Variants in PARN observed in about 807,000 individuals in gnomAD.
The protein encoded by PARN is poly(A)-specific ribonuclease PARN.
PARN carries 71 observed loss-of-function variants against 102.8 expected under a neutral mutation model. The ratio of observed to expected loss-of-function variants is 0.69; its 90% CI spans 0.57 to 0.84. PARN has a LOEUF of 0.84. Ranked by LOEUF, PARN falls within the 40% of genes least tolerant of loss-of-function variation. PARN has a pLI of 0.00. For synonymous variants in PARN, 261 were observed against 252.9 expected, an observed-to-expected ratio of 1.03 and a Z score of -0.30; for missense variants, 782 against 760.9, an observed-to-expected ratio of 1.03 and a Z score of -0.33.
chr16:14,583,710 T>G (rs1455840122), intron 16 of PARN, among the ~76,000 whole-genome samples: 1 of 152,190 alleles, frequency 6.6e-6, no homozygotes, highest in East Asian at 1.9e-4. Flanking sequence ...CTTTAGAAGT[T>G]TTCAGGCTAC....
At chr16:14,518,152 A>C (rs1490427794) in intron 21 of PARN, among the ~76,000 whole-genome samples, 5 of 151,922 alleles carry the variant, frequency 3.3e-5, no homozygotes, top group African/African-American at 1.2e-4. Flanking sequence ...AATAAAAATA[A>C]TACAAATTAA....
chr16:14,599,552 T>C (rs1187613321), intron 12 of PARN, among the ~76,000 whole-genome samples: 1 of 152,230 alleles, frequency 6.6e-6, no homozygotes, highest in African/African-American at 2.4e-5. Context: ...ACAAAACACC[T>C]TCAGTCAAAT....
intron 21 of PARN, among the ~76,000 whole-genome samples, chr16:14,483,693 T>C (rs979107348): frequency 6.6e-6 from 1 of 151,106 alleles, no homozygotes; most frequent in African/African-American, 2.4e-5. Flanking sequence ...CCTCCTTCAC[T>C]GGACGAAGGC....
At chr16:14,507,886 G>T (rs1964978456) in intron 21 of PARN, among the ~76,000 whole-genome samples, 1 of 152,154 alleles carries the variant, frequency 6.6e-6, no homozygotes, top group African/African-American at 2.4e-5. Flanking sequence ...AATGCAGTCA[G>T]TTAAAATTTA....
intron 12 of PARN, among the ~76,000 whole-genome samples, chr16:14,594,352 T>C (rs1970380953): frequency 6.6e-6 from 1 of 152,196 alleles, no homozygotes; most frequent in Admixed American, 6.5e-5. Flanking sequence ...TCCATTTTGA[T>C]AAAAATTAAA....
rs748035733 is a variant in PARN, at chr16:14,610,663, T to A, written c.535A>T (p.Lys179Ter). ...ACTTACACCACTTGGTCAATAAACT[T>A]CTTTTGATCCTCAGGAATCGTGACA... ...CPVTIPEDQK[K>*]FIDQVVEKIE... Residue 179 changes from lysine to a stop codon, truncating the protein, a stop_gained, in exon 7 of 24, where the codon AAG becomes TAG. Coordinates refer to ENST00000437198, the MANE Select transcript of PARN (RefSeq NM_002582.4). LOFTEE classifies it high-confidence loss of function. 1.9e-6 allele frequency: 3 copies of A among 1,609,982 alleles called. No individual in the cohort carries two copies. The highest frequency in any genetic ancestry group is 2.6e-6 in the Non-Finnish European group (3 of 1,176,354).
At chr16:14,625,210 A>C (rs914443972) in intron 5 of PARN, among the ~76,000 whole-genome samples, 4 of 151,610 alleles carry the variant, frequency 2.6e-5, no homozygotes, top group African/African-American at 9.7e-5. Flanking sequence ...AAAAAAAAAC[A>C]AAACAAAACA....
At chr16:14,439,391 A>T (rs1168863934) in intron 23 of PARN, among the ~76,000 whole-genome samples, 1 of 139,364 alleles carries the variant, frequency 7.2e-6, no homozygotes, top group Non-Finnish European at 1.6e-5. Context: ...AAAAAAAAAA[A>T]ATAGAGGGAG....
At chr16:14,591,392 A>T (rs1037913265) in intron 13 of PARN, among the ~76,000 whole-genome samples, 2 of 29,952 alleles carry the variant, frequency 6.7e-5, no homozygotes, top group South Asian at 5.9e-4. Context: ...TCCATCTCTA[A>T]AAAAAAAAAA....
intron 23 of PARN, 103 bp downstream of exon 23, chr16:14,446,785 G>T: frequency 2.7e-6 from 2 of 743,958 alleles, no homozygotes; most frequent in Non-Finnish European, 2.2e-6. Context: ...CATGGGCTTT[G>T]CCACCAAGTG....
intron 21 of PARN, among the ~76,000 whole-genome samples, chr16:14,486,683 G>C (rs1963719172): frequency 6.6e-6 from 1 of 152,214 alleles, no homozygotes; most frequent in Non-Finnish European, 1.5e-5. Context: ...CATTCCTTGA[G>C]TCCCAGCAGC....
intron 21 of PARN, among the ~76,000 whole-genome samples, chr16:14,502,926 G>A (rs1257598176): frequency 1.3e-5 from 2 of 152,094 alleles, no homozygotes. Context: ...GATCAGGGAG[G>A]AAAAATTAAA....
chr16:14,479,815 T>C (rs1963278307), intron 22 of PARN, among the ~76,000 whole-genome samples: 1 of 151,442 alleles, frequency 6.6e-6, no homozygotes, highest in Non-Finnish European at 1.5e-5. Flanking sequence ...CAGATAGTCA[T>C]ATGGAAAAAA....
intron 21 of PARN, among the ~76,000 whole-genome samples, chr16:14,529,118 G>T (rs563827921): frequency 6.6e-6 from 1 of 152,108 alleles, no homozygotes; most frequent in South Asian, 2.1e-4. Flanking sequence ...GGCCCTGAGC[G>T]AGTGCCTAAC....
intron 22 of PARN, among the ~76,000 whole-genome samples, chr16:14,481,819 C>T (rs976281921): frequency 2.0e-5 from 3 of 152,124 alleles, no homozygotes; most frequent in African/African-American, 7.2e-5. Flanking sequence ...ATTTTCTATA[C>T]CTGTGTTTTG....
chr16:14,485,057 A>T (rs1473180038), intron 21 of PARN, among the ~76,000 whole-genome samples: 1 of 152,196 alleles, frequency 6.6e-6, no homozygotes, highest in African/African-American at 2.4e-5. Context: ...CCCGTCTCTA[A>T]AAAGAAAGTG....
In PARN at chr16:14,628,210, A is replaced by T. The variant is rs1486635297; in HGVS notation, c.139T>A (p.Phe47Ile). Reference sequence around the variant, plus strand: ...TGATACCTCTCTTCTGGAGTGTCAAAACCATTTGTTAATGCAGAGACTGAA... The same window carrying T: ...TGATACCTCTCTTCTGGAGTGTCAATACCATTTGTTAATGCAGAGACTGAA... The part of the protein sequence containing the change: ...GPSVSALTNG[F>I]DTPEERYQKL... Residue 47 changes from phenylalanine (F) to isoleucine (I), a missense_variant, in exon 3 of 24, where the codon TTT becomes ATT. By Grantham distance (21) the Phe-to-Ile change is conservative. Transcript: ENST00000437198. 6 of 1,608,358 alleles carry T rather than the reference A, an allele frequency of 3.7e-6. No individual in the cohort carries two copies. The South Asian group carries it at 6.6e-5, about 18-fold the overall frequency.
chr16:14,537,436 T>G (rs1966656647), intron 21 of PARN, among the ~76,000 whole-genome samples: 2 of 152,110 alleles, frequency 1.3e-5, no homozygotes, highest in Admixed American at 1.3e-4. Context: ...ATCCCACTAG[T>G]GGAAATTTAT....
At chr16:14,599,632 G>C (rs1015454417) in intron 12 of PARN, among the ~76,000 whole-genome samples, 4 of 151,844 alleles carry the variant, frequency 2.6e-5, no homozygotes, top group Admixed American at 2.0e-4. Flanking sequence ...AATAACTCTT[G>C]GTTTCCATGT....
Sources: allele counts gnomAD v4.1 joint callset (sites outside exome capture counted in the v4.1 genomes callset), GRCh38; gene constraint gnomAD v4.1.1; transcripts MANE v1.5; gene names NCBI Gene and HGNC (gene_info 2026-07-23, HGNC 2026-07-21).